The following OLFM3 variants were observed in gnomAD, a reference collection of about 807,000 sequenced individuals.
OLFM3 encodes the protein olfactomedin 3, also known as noelin-3.
In OLFM3, 20 loss-of-function variants were observed where a neutral mutation model predicts 48.6. The observed-to-expected ratio is 0.41, with a 90% CI of 0.29 to 0.60. The LOEUF (loss-of-function observed/expected upper bound fraction) is 0.60, where lower values mean the gene tolerates loss of function less well. Among genes scored for constraint, OLFM3 ranks in the 20% least tolerant of loss-of-function variants. The pLI is 0.28. For synonymous variants in OLFM3, 222 were observed against 198.1 expected (o/e 1.12, Z -1.01); for missense variants, 437 against 544.3 (o/e 0.80, Z 1.96).
intron 1 of OLFM3, among the ~76,000 whole-genome samples, chr1:101,888,179 C>T (rs753219097): frequency 6.6e-6 from 1 of 152,046 alleles, no homozygotes; most frequent in African/African-American, 2.4e-5. Context: ...CAAAAGAGAG[C>T]CTGCATTGCC....
chr1:101,875,963 T>A (rs1477460834), intron 1 of OLFM3, among the ~76,000 whole-genome samples: 1 of 152,052 alleles, frequency 6.6e-6, no homozygotes, highest in Non-Finnish European at 1.5e-5. Flanking sequence ...TTTACATAAA[T>A]GACTGGCTTG....
intron 1 of OLFM3, among the ~76,000 whole-genome samples, chr1:101,904,996 C>T (rs1317902656): frequency 6.6e-6 from 1 of 152,064 alleles, no homozygotes; most frequent in African/African-American, 2.4e-5. Flanking sequence ...AAAATTATTG[C>T]TCTAGGGTAA....
chr1:101,888,511 C>T (rs1657861644), intron 1 of OLFM3, among the ~76,000 whole-genome samples: 1 of 152,092 alleles, frequency 6.6e-6, no homozygotes, highest in East Asian at 1.9e-4. Flanking sequence ...AAGATGGATT[C>T]CAGACTTAAA....
At chr1:101,939,079 A>T (rs1659708835) in intron 1 of OLFM3, among the ~76,000 whole-genome samples, 1 of 152,196 alleles carries the variant, frequency 6.6e-6, no homozygotes, top group South Asian at 2.1e-4. Context: ...ATGCTTAAAA[A>T]AAAATCCATA....
chr1:101,824,120 G>T (rs1474775839), intron 4 of OLFM3, among the ~76,000 whole-genome samples: 1 of 152,096 alleles, frequency 6.6e-6, no homozygotes, highest in African/African-American at 2.4e-5. Context: ...GTGTGTGTGT[G>T]TGTGTGCTTT....
intron 3 of OLFM3, 77 bp downstream of exon 3, chr1:101,830,595 C>A (rs1655097433): frequency 6.7e-7 from 1 of 1,489,880 alleles, no homozygotes; most frequent in African/African-American, 1.4e-5. Context: ...ACATTCATTT[C>A]TAGCTGAGTG....
chr1:101,832,907 G>A (rs74842717), intron 2 of OLFM3, among the ~76,000 whole-genome samples: 2,189 of 152,130 alleles, frequency 0.014, 55 homozygotes, highest in African/African-American at 0.048. Context: ...GCATGGTAAC[G>A]CCATTGTGGA....
At position 101,967,590 on chromosome 1, in the gene OLFM3, G is replaced by GAAAAAAAAAAAAAAAAAAAAAAA. The variant is rs71592233; in HGVS notation, c.69+29135_69+29157dup. Among the ~76,000 whole-genome samples, 17 of 44,580 alleles carry GAAAAAAAAAAAAAAAAAAAAAAA rather than the reference G, an allele frequency of 3.8e-4. 1 individual carries two copies. The highest frequency in any genetic ancestry group is 2.3e-3 in the East Asian group (2 of 852). The allele number at this position is 44,580 out of a possible 152,430, so 29.2% of individuals were successfully genotyped here. A position where few individuals can be genotyped will look rare whatever the true frequency, so the allele number is the denominator to read the frequency against. ...CCTTTTTACTTCCATCCTAGTCAGTGAAAAAAAAAAAAAAAAAAAAAAAAG... is the reference window on the plus strand; with the variant it reads ...CCTTTTTACTTCCATCCTAGTCAGTGAAAAAAAAAAAAAAAAAAAAAAAAAAAAAAAAAAAAAAAAAAAAAAAG... On this transcript the variant is annotated intron_variant, in intron 1 of 5. Transcript: ENST00000370103.
At chr1:101,960,050 C>A (rs1371326605) in intron 1 of OLFM3, among the ~76,000 whole-genome samples, 1 of 152,074 alleles carries the variant, frequency 6.6e-6, no homozygotes, top group Non-Finnish European at 1.5e-5. Context: ...TCTTGAAAAA[C>A]CCTGTATTCT....
At chr1:101,852,236 T>C (rs1656250088) in intron 1 of OLFM3, among the ~76,000 whole-genome samples, 1 of 152,130 alleles carries the variant, frequency 6.6e-6, no homozygotes, top group Admixed American at 6.6e-5. Flanking sequence ...AAGAATTGTT[T>C]ATACTTACCA....
intron 1 of OLFM3, among the ~76,000 whole-genome samples, chr1:101,869,029 A>G (rs922297563): frequency 1.3e-5 from 2 of 152,304 alleles, no homozygotes; most frequent in Non-Finnish European, 2.9e-5. Flanking sequence ...CAGGGGCGGT[A>G]CCCTCATGGG....
intron 4 of OLFM3, among the ~76,000 whole-genome samples, chr1:101,814,352 G>T (rs916157984): frequency 6.6e-6 from 1 of 151,420 alleles, no homozygotes; most frequent in African/African-American, 2.4e-5. Context: ...TTCTGGTGAA[G>T]CTTACATTTT....
At chr1:101,846,887 C>T in intron 1 of OLFM3, 1 of 1,612,722 alleles carries the variant, frequency 6.2e-7, no homozygotes, top group Non-Finnish European at 8.5e-7. Flanking sequence ...TCAGTCCCAC[C>T]AAGGATGGGA....
rs562673537 is a variant in OLFM3, at chr1:101,908,222, A to G, written c.70-71197T>C. On this transcript the variant is annotated intron_variant, in intron 1 of 5. Coordinates refer to ENST00000370103, the MANE Select transcript of OLFM3 (RefSeq NM_058170.4). ...GGCAATTTAAGTGATTTGACCAGTA[A>G]AATGGGATAACATCTTAGTAAGAGG... 7.2e-4 allele frequency among the ~76,000 whole-genome samples: 109 copies of G among 152,358 alleles called. 1 individual carries two copies. Among genetic ancestry groups the G allele is most frequent in the South Asian group, 2.1e-3 (10 of 4,832 alleles).
At chr1:101,827,703 C>A (rs1002400709) in intron 3 of OLFM3, among the ~76,000 whole-genome samples, 1 of 152,060 alleles carries the variant, frequency 6.6e-6, no homozygotes, top group African/African-American at 2.4e-5. Flanking sequence ...GACCTAAAGT[C>A]TACTTGGAGA....
At chr1:101,840,385 G>A (rs1231002648) in intron 1 of OLFM3, among the ~76,000 whole-genome samples, 1 of 151,978 alleles carries the variant, frequency 6.6e-6, no homozygotes, top group East Asian at 1.9e-4. Flanking sequence ...AGTCATGCAG[G>A]GAGTATCAGC....
chr1:101,950,523 C>T (rs1660110961), intron 1 of OLFM3, among the ~76,000 whole-genome samples: 1 of 151,474 alleles, frequency 6.6e-6, no homozygotes, highest in Admixed American at 6.6e-5. Context: ...ACTGCAAGCT[C>T]CGCCTCCCGG....
intron 4 of OLFM3, chr1:101,812,915 G>A: frequency 1.0e-6 from 1 of 1,000,540 alleles, no homozygotes; most frequent in Non-Finnish European, 1.2e-6. Context: ...GCATTTCTCT[G>A]AAATATGTTA....
intron 1 of OLFM3, among the ~76,000 whole-genome samples, chr1:101,873,288 C>T (rs1657158342): frequency 6.6e-6 from 1 of 151,796 alleles, no homozygotes; most frequent in South Asian, 2.1e-4. Context: ...GAAAGAAGAG[C>T]CTCAAGAAAA....
Sources: gnomAD v4.1 joint callset for allele counts (sites outside exome capture counted in the v4.1 genomes callset) on GRCh38, gnomAD v4.1.1 for gene constraint, MANE v1.5 for transcripts, NCBI Gene and HGNC (gene_info 2026-07-23, HGNC 2026-07-21) for gene names.